Variants in UMAD1 observed in about 807,000 individuals in gnomAD.
The protein encoded by UMAD1 is UBAP1-MVB12-associated (UMA) domain containing 1.
UMAD1 carries 8 observed loss-of-function variants against 6.1 expected under a neutral mutation model. The observed-to-expected ratio is 1.30, with a 90% CI of 0.76 to 2.35. The LOEUF (loss-of-function observed/expected upper bound fraction) is 2.35. Ranked by LOEUF, UMAD1 falls within the 30% of genes most tolerant of loss-of-function variation. The pLI, the probability that UMAD1 is intolerant of heterozygous loss-of-function variation, is 0.00. For missense variants in UMAD1, 130 were observed against 78.4 expected, an observed-to-expected ratio of 1.66 and a Z score of -2.49; for synonymous variants, 56 against 31.4, an observed-to-expected ratio of 1.78 and a Z score of -2.61.
chr7:7,847,097 AAAAAAAAATATATATATATAT>A (rs1783806907), intron 3 of UMAD1, among the ~76,000 whole-genome samples: 3 of 48,876 alleles, frequency 6.1e-5, no homozygotes, highest in Non-Finnish European at 1.0e-4. Flanking sequence ...CAAAAAAAAA[AAAAAAAAATATATATATATAT>A]ATATATATAT....
chr7:7,719,897 A>C (rs1339536151), intron 2 of UMAD1, among the ~76,000 whole-genome samples: 1 of 152,228 alleles, frequency 6.6e-6, no homozygotes, highest in Non-Finnish European at 1.5e-5. Context: ...GTGGTACACT[A>C]ACCTTTCCAT....
At chr7:7,691,799 A>T (rs1207123147) in intron 2 of UMAD1, among the ~76,000 whole-genome samples, 1 of 152,222 alleles carries the variant, frequency 6.6e-6, no homozygotes, top group African/African-American at 2.4e-5. Context: ...TGATACATGG[A>T]GTTCTTTCTC....
chr7:7,655,902 C>T (rs1192006449), intron 1 of UMAD1, among the ~76,000 whole-genome samples: 3 of 152,120 alleles, frequency 2.0e-5, no homozygotes, highest in Non-Finnish European at 2.9e-5. Flanking sequence ...ATGGTGTGAT[C>T]TTGGCTCACT....
intron 2 of UMAD1, among the ~76,000 whole-genome samples, chr7:7,746,955 TTGTG>T (rs36223422): frequency 0.037 from 5,480 of 148,562 alleles, 126 homozygotes; most frequent in Middle Eastern, 0.08. Context: ...GAGTGCATGT[TTGTG>T]TGTGTGTGTG....
chr7:7,806,055 C>G (rs1404286442), intron 3 of UMAD1, among the ~76,000 whole-genome samples: 1 of 152,102 alleles, frequency 6.6e-6, no homozygotes, highest in Non-Finnish European at 1.5e-5. Flanking sequence ...GGTTAAAGGC[C>G]TAAATGTCAT....
chr7:7,731,188 G>A (rs961398083), intron 2 of UMAD1, among the ~76,000 whole-genome samples: 2 of 151,976 alleles, frequency 1.3e-5, no homozygotes, highest in African/African-American at 4.8e-5. Context: ...CAGTAGAGAG[G>A]GGGGGGTTCC....
At chr7:7,854,932 A>G (rs1244239892) in intron 3 of UMAD1, among the ~76,000 whole-genome samples, 1 of 152,154 alleles carries the variant, frequency 6.6e-6, no homozygotes, top group Non-Finnish European at 1.5e-5. Flanking sequence ...CACATGGGAG[A>G]AATGGGCCAA....
chr7:7,733,022 A>C (rs1781288572), intron 2 of UMAD1, among the ~76,000 whole-genome samples: 1 of 152,238 alleles, frequency 6.6e-6, no homozygotes, highest in African/African-American at 2.4e-5. Flanking sequence ...CGTCAATGAA[A>C]GAAACCTCTG....
chr7:7,670,235 G>A (rs565888186), intron 1 of UMAD1, among the ~76,000 whole-genome samples: 7 of 152,106 alleles, frequency 4.6e-5, no homozygotes, highest in East Asian at 1.9e-4. Context: ...TGTGATATCC[G>A]TGTTTGTTCC....
At chr7:7,771,273 T>C (rs1393095478) in intron 2 of UMAD1, among the ~76,000 whole-genome samples, 1 of 152,188 alleles carries the variant, frequency 6.6e-6, no homozygotes, top group African/African-American at 2.4e-5. Flanking sequence ...TCATCACTTG[T>C]TGAGAACTTC....
At chr7:7,809,810 A>G (rs1782988633) in intron 3 of UMAD1, among the ~76,000 whole-genome samples, 2 of 151,992 alleles carry the variant, frequency 1.3e-5, no homozygotes, top group Non-Finnish European at 2.9e-5. Flanking sequence ...TACATCCATT[A>G]TGTCTTTCAT....
chr7:7,643,691 C>G (rs554074468), intron 1 of UMAD1, among the ~76,000 whole-genome samples: 31 of 147,254 alleles, frequency 2.1e-4, no homozygotes, highest in African/African-American at 7.1e-4. Flanking sequence ...CAACCTGGGC[C>G]ACAGAGCGAG....
intron 2 of UMAD1, among the ~76,000 whole-genome samples, chr7:7,752,122 G>C (rs1396004768): frequency 6.6e-6 from 1 of 152,048 alleles, no homozygotes; most frequent in Non-Finnish European, 1.5e-5. Flanking sequence ...AGATAATTTA[G>C]ATAATGGAAC....
chr7:7,777,805 C>T (rs1782249542), intron 2 of UMAD1, among the ~76,000 whole-genome samples: 1 of 151,928 alleles, frequency 6.6e-6, no homozygotes, highest in Non-Finnish European at 1.5e-5. Context: ...TATTTAAAAG[C>T]TCCTTTTCAA....
At chr7:7,741,571 C>T (rs6956186) in intron 2 of UMAD1, among the ~76,000 whole-genome samples, 12,018 of 134,838 alleles carry the variant, frequency 0.089, 577 homozygotes, top group African/African-American at 0.13. Flanking sequence ...AGCGAGACAA[C>T]GTCTCAAAAT....
intron 2 of UMAD1, among the ~76,000 whole-genome samples, chr7:7,684,614 T>A (rs780516906): frequency 9.2e-5 from 14 of 152,198 alleles, no homozygotes; most frequent in Non-Finnish European, 2.1e-4. Flanking sequence ...AAACCTTAGA[T>A]GTTTTTTGAA....
chr7:7,860,857 A>G (rs1029524525), intron 3 of UMAD1, among the ~76,000 whole-genome samples: 3 of 152,188 alleles, frequency 2.0e-5, no homozygotes, highest in Non-Finnish European at 2.9e-5. Context: ...CCAAATGTCC[A>G]TTAGTAGATA....
chr7:7,860,383 A>T (rs1286365208), intron 3 of UMAD1, among the ~76,000 whole-genome samples: 1 of 152,012 alleles, frequency 6.6e-6, no homozygotes, highest in East Asian at 1.9e-4. Flanking sequence ...TCTTCCATCT[A>T]CTTAAATATT....
intron 3 of UMAD1, among the ~76,000 whole-genome samples, chr7:7,818,065 TG>T (rs1476333850): frequency 6.6e-6 from 1 of 152,212 alleles, no homozygotes; most frequent in East Asian, 1.9e-4. Flanking sequence ...CATGGGGGTT[TG>T]CCATACAGAT....
Sources: allele counts gnomAD v4.1 joint callset (sites outside exome capture counted in the v4.1 genomes callset), GRCh38; gene constraint gnomAD v4.1.1; transcripts MANE v1.5; gene names NCBI Gene and HGNC (gene_info 2026-07-23, HGNC 2026-07-21).